ABCC5: variants seen among roughly 807,000 people sequenced by gnomAD.
ABCC5 encodes the protein ATP binding cassette subfamily C member 5, also known as ATP-binding cassette sub-family C member 5.
Under a neutral mutation model 160.9 loss-of-function variants are expected in ABCC5, and 61 were observed. The observed-to-expected ratio is 0.38, with a 90% confidence interval of 0.31 to 0.47. The LOEUF is 0.47. ABCC5 is among the 20% of genes least tolerant of loss of function. The probability of loss-of-function intolerance (pLI) is 0.99; values close to 1 mark genes in which losing one functional copy is unlikely to be tolerated. For missense variants in ABCC5, 1,308 were observed against 1,813.3 expected (o/e 0.72, Z 5.06); for synonymous variants, 666 against 700.6 (o/e 0.95, Z 0.78).
At chr3:183,936,743 C>G (rs962248241) in intron 26 of ABCC5, among the ~76,000 whole-genome samples, 1 of 152,118 alleles carries the variant, frequency 6.6e-6, no homozygotes, top group Non-Finnish European at 1.5e-5. Context: ...CTCCTGACCT[C>G]GTGATCCGCC....
chr3:183,937,485 C>G (rs1207530406), intron 26 of ABCC5, among the ~76,000 whole-genome samples: 1 of 152,182 alleles, frequency 6.6e-6, no homozygotes, highest in Non-Finnish European at 1.5e-5. Flanking sequence ...ACAGCAGCCA[C>G]CATTTGCTGA....
In ABCC5 at chr3:183,961,624, T is replaced by C; in HGVS notation, c.2266A>G (p.Met756Val). Residue 756 changes from methionine (M) to valine (V), a missense_variant, in exon 16 of 30, where the codon ATG (methionine) becomes GTG (valine). By Grantham distance (21) the Met-to-Val change is conservative. This residue lies in a region of ABCC5 where 1,142 missense variants were observed against 1,527.1 expected (regional missense o/e 0.75). Coordinates refer to ENST00000334444, the MANE Select transcript of ABCC5 (RefSeq NM_005688.4). ...CTTTCCGTAATACAGCCCTCTTTCA[T>C]GAAGATCACTTCATCACAGTCAACC... ...YLVDCDEVIF[M>V]KEGCITERGT... is the part of the protein sequence containing the mutation. 1 of 1,614,254 alleles carries C rather than the reference T, an allele frequency of 6.2e-7. No homozygotes were observed. The highest frequency in any genetic ancestry group is 8.5e-7 in the Non-Finnish European group (1 of 1,180,042).
At chr3:183,991,120 C>T (rs751859484) in intron 2 of ABCC5, among the ~76,000 whole-genome samples, 27 of 151,676 alleles carry the variant, frequency 1.8e-4, no homozygotes, top group African/African-American at 4.8e-4. Context: ...AGCAACACAC[C>T]ATCTCTACAA....
Position 183,949,199 on chromosome 3 carries a change from A to G in ABCC5, c.3227+554T>C, listed in dbSNP as rs1272173774. On this transcript the variant is annotated intron_variant, in intron 22 of 29. Transcript: ENST00000334444. This position sits in a 1 kb window ranked among gnomAD's most constrained non-coding sequence, Gnocchi z 4.2. ...TACCATAGCTTATTCAACCTGTCCTATATTGAAGAACATTTTAGTTCCAAT... is the reference window on the plus strand; with the variant it reads ...TACCATAGCTTATTCAACCTGTCCTGTATTGAAGAACATTTTAGTTCCAAT... 6.6e-6 allele frequency among the ~76,000 whole-genome samples: 1 copy of G among 152,200 alleles called. No homozygotes were observed. Among genetic ancestry groups the G allele is most frequent in the Non-Finnish European group, 1.5e-5 (1 of 68,038 alleles).
chr3:183,993,483 CAAAAAAAAAA>C (rs57885159), intron 2 of ABCC5, among the ~76,000 whole-genome samples: 20,255 of 105,566 alleles, frequency 0.19, 1,564 homozygotes, highest in East Asian at 0.41. Context: ...GACCCTGTCT[CAAAAAAAAAA>C]AAAAAAAAAA....
At position 183,963,435 on chromosome 3, in the gene ABCC5, G is replaced by A. The variant is rs769621778; in HGVS notation, c.2185C>T (p.Arg729Trp). The change falls in exon 15 of 30, where the codon CGG becomes TGG. Residue 729 changes from arginine (R) to tryptophan (W), a missense_variant. By Grantham distance (101) the Arg-to-Trp change is moderately radical. Around this residue, in one of 3 missense-constraint regions of ABCC5, gnomAD observed 1,142 missense variants for 1,527.1 expected, o/e 0.75. Coordinates refer to ENST00000334444, the MANE Select transcript of ABCC5 (RefSeq NM_005688.4). This position sits in a 1 kb window ranked among gnomAD's most constrained non-coding sequence, Gnocchi z 4.6. The part of the protein sequence containing the change: ...VGNHIFNSAI[R>W]KHLKSKTVLF... ...ACTGTCTTGGACTTGAGATGTTTCC[G>A]GATAGCACTATTGAAGATGTGGTTG... is the stretch of plus-strand genomic sequence containing the variant. 22 of 1,614,108 alleles carry A rather than the reference G, an allele frequency of 1.4e-5. No homozygotes were observed. The highest frequency in any genetic ancestry group is 1.4e-5 in the Non-Finnish European group (16 of 1,180,044).
intron 2 of ABCC5, among the ~76,000 whole-genome samples, chr3:183,991,040 C>T (rs568160878): frequency 5.9e-5 from 9 of 152,134 alleles, no homozygotes; most frequent in East Asian, 3.9e-4. Flanking sequence ...CATGGTGGCT[C>T]GCGCCTGTAA....
intron 2 of ABCC5, among the ~76,000 whole-genome samples, chr3:183,996,955 G>A (rs1311243908): frequency 6.6e-6 from 1 of 152,062 alleles, no homozygotes; most frequent in African/African-American, 2.4e-5. Flanking sequence ...AATATCTGAT[G>A]GAAATACAGG....
chr3:183,927,299 C>A (rs1321206189), intron 28 of ABCC5, 31 bp downstream of exon 28: 1 of 1,605,800 alleles, frequency 6.2e-7, no homozygotes, highest in South Asian at 1.1e-5. Flanking sequence ...CATTCCCATT[C>A]TCTGCTGCTG....
chr3:183,928,701 C>T (rs1712857719), intron 27 of ABCC5, 46 bp downstream of exon 27: 1 of 1,560,936 alleles, frequency 6.4e-7, no homozygotes, highest in South Asian at 1.1e-5. Flanking sequence ...TGCTGTGCTT[C>T]CACCCTCACC....
intron 17 of ABCC5, among the ~76,000 whole-genome samples, chr3:183,956,983 C>T (rs1334331608): frequency 2.0e-5 from 3 of 150,114 alleles, no homozygotes; most frequent in Admixed American, 2.0e-4. Context: ...CATGCGGATC[C>T]GTGTGTACAT....
At position 183,982,435 on chromosome 3, in the gene ABCC5, T is replaced by C; in HGVS notation, c.999+16A>G. ...TAAGGAGAAGCTGCCAGGATTCAGC[T>C]GGGAGGCTTACTCACCATTGCTGGG... On this transcript the variant is annotated intron_variant, in intron 7 of 29. Transcript: ENST00000334444. The surrounding 1 kb of genome is among the most constrained non-coding windows in gnomAD (Gnocchi z 5.2). 1 of 1,611,202 alleles carries C rather than the reference T, an allele frequency of 6.2e-7. No individual in the cohort carries two copies. Among genetic ancestry groups the C allele is most frequent in the Non-Finnish European group, 8.5e-7 (1 of 1,178,312 alleles).
intron 28 of ABCC5, among the ~76,000 whole-genome samples, chr3:183,926,465 G>A (rs539913664): frequency 8.6e-5 from 13 of 151,156 alleles, no homozygotes; most frequent in Middle Eastern, 3.4e-3. Context: ...CAAGAGAATC[G>A]CGCGAATCCA....
chr3:183,968,771 C>T (rs554697567), intron 11 of ABCC5, among the ~76,000 whole-genome samples: 15 of 152,250 alleles, frequency 9.9e-5, no homozygotes, highest in East Asian at 5.8e-4. Flanking sequence ...GTAGTGTGGA[C>T]GGAGCATGGA....
intron 2 of ABCC5, among the ~76,000 whole-genome samples, chr3:184,006,780 A>G (rs1207964143): frequency 6.6e-6 from 1 of 152,150 alleles, no homozygotes; most frequent in Non-Finnish European, 1.5e-5. Flanking sequence ...ATTTCAAAGC[A>G]TTAATTATGA....
At position 183,951,971 on chromosome 3, in the gene ABCC5, C is replaced by A. The variant is rs28365026; in HGVS notation, c.2700G>T (p.Ser900=). ...GATTGTCCTTCATGCTGTCACTCAC[C>A]GAGGTCTCGTTCCCTCGAGTCACAG... is the stretch of plus-strand genomic sequence containing the variant. ...NTTVTRGNET[S]VSDSMKDNPH... Residue 900 remains serine (S), a synonymous_variant, in exon 19 of 30, where the codon TCG becomes TCT. Transcript: ENST00000334444. The surrounding 1 kb of genome is among the most constrained non-coding windows in gnomAD (Gnocchi z 4.7). The A allele has an allele frequency of 5.0e-6, 8 of 1,612,386 alleles. No homozygotes were observed. The highest frequency in any genetic ancestry group is 6.8e-6 in the Non-Finnish European group (8 of 1,178,762).
chr3:183,927,580 T>C, intron 27 of ABCC5, 137 bp from the exon 28 acceptor site: 1 of 1,436,628 alleles, frequency 7.0e-7, no homozygotes, highest in Admixed American at 2.2e-5. Context: ...GGAATGAAGG[T>C]GCAGGTGTAC....
chr3:183,971,552 G>T lies in ABCC5; in HGVS notation c.1761+11C>A. The T allele has an allele frequency of 6.2e-7, 1 of 1,610,454 alleles. No individual in the cohort carries two copies. The highest frequency in any genetic ancestry group is 8.5e-7 in the Non-Finnish European group (1 of 1,178,794). On this transcript the variant is annotated intron_variant, in intron 11 of 29. Transcript: ENST00000334444. ...GGGTGCGGGCAGGGAGGCAGGGGGC[G>T]GACCACTTACCTCTTGGATCTCCAG...
chr3:183,935,028 AT>A (rs774978089), intron 26 of ABCC5, among the ~76,000 whole-genome samples: 47 of 150,002 alleles, frequency 3.1e-4, no homozygotes, highest in Non-Finnish European at 5.3e-4. Flanking sequence ...TGTAAGGCCA[AT>A]TTTTTTTTTC....
Sources: allele counts gnomAD v4.1 joint callset (sites outside exome capture counted in the v4.1 genomes callset), GRCh38; gene constraint gnomAD v4.1.1; regional missense constraint gnomAD v4.1.1; non-coding constraint Gnocchi (gnomAD v3.1); transcripts MANE v1.5; gene names NCBI Gene and HGNC (gene_info 2026-07-23, HGNC 2026-07-21).